Variants in IGSF10 observed in about 807,000 individuals in gnomAD.
IGSF10 encodes calvaria mechanical force protein 608.
A neutral mutation model predicts 128.2 loss-of-function variants in IGSF10; 126 were observed. The observed-to-expected ratio is 0.98, with a 90% CI of 0.85 to 1.14. The LOEUF (loss-of-function observed/expected upper bound fraction) is 1.14. IGSF10 is among the 50% of genes most tolerant of loss of function. IGSF10 has a pLI of 0.00. For missense variants in IGSF10, 3,295 were observed against 3,149.8 expected, an observed-to-expected ratio of 1.05 and a Z score of -1.10; for synonymous variants, 1,185 against 1,146.2, an observed-to-expected ratio of 1.03 and a Z score of -0.68.
the IGSF10 span, among the ~76,000 whole-genome samples, chr3:151,497,854 G>GATCA: frequency 1.3e-5 from 2 of 151,234 alleles, no homozygotes; most frequent in Non-Finnish European, 3.0e-5. Context: ...TTATTTCGCT[G>GATCA]AGCAGTGGTT....
chr3:151,574,061 G>GT, the IGSF10 span, among the ~76,000 whole-genome samples: 1 of 152,166 alleles, frequency 6.6e-6, no homozygotes, highest in Admixed American at 6.5e-5. Flanking sequence ...CTCTTCTGGC[G>GT]TGTAGAGTTT....
At chr3:151,480,849 C>T in the IGSF10 span, among the ~76,000 whole-genome samples, 4 of 152,020 alleles carry the variant, frequency 2.6e-5, no homozygotes, top group East Asian at 3.9e-4. Flanking sequence ...AACATTTGTG[C>T]CCCCAGCACC....
chr3:151,495,871 C>T, the IGSF10 span, among the ~76,000 whole-genome samples: 5 of 152,094 alleles, frequency 3.3e-5, no homozygotes, highest in Non-Finnish European at 2.9e-5. Context: ...TACATCTGCA[C>T]CAGGCTGAAT....
the IGSF10 span, among the ~76,000 whole-genome samples, chr3:151,489,647 A>G: frequency 1.3e-4 from 20 of 152,186 alleles, no homozygotes; most frequent in Non-Finnish European, 2.5e-4. Flanking sequence ...AGCCATAAAA[A>G]AGGGTGAGTT....
downstream of IGSF10, chr3:151,432,582 G>T (rs570378514): frequency 1.8e-6 from 1 of 547,158 alleles, no homozygotes; most frequent in Non-Finnish European, 3.3e-6. Context: ...CCTCTGCAGG[G>T]TGGTACTTGA....
the IGSF10 span, among the ~76,000 whole-genome samples, chr3:151,538,433 T>C: frequency 6.6e-6 from 1 of 152,160 alleles, no homozygotes; most frequent in African/African-American, 2.4e-5. Flanking sequence ...ATAAGGACAT[T>C]ATAATGGTTT....
the IGSF10 span, among the ~76,000 whole-genome samples, chr3:151,549,628 A>G: frequency 6.6e-6 from 1 of 152,142 alleles, no homozygotes; most frequent in Non-Finnish European, 1.5e-5. Flanking sequence ...ACAGCTTCCA[A>G]AATTTTGCAA....
At chr3:151,435,150 T>C (rs376615933), downstream of IGSF10, 3 of 149,884 alleles carry the variant, frequency 2.0e-5, no homozygotes, top group African/African-American at 7.5e-5. Flanking sequence ...CAGAACCTGG[T>C]ACTTTACCTT....
chr3:151,596,904 T>G, the IGSF10 span, among the ~76,000 whole-genome samples: 1,674 of 152,240 alleles, frequency 0.011, 20 homozygotes, highest in Admixed American at 0.034. Context: ...GTAAATGGTA[T>G]GGCGAGCTGC....
Position 151,453,449 on chromosome 3 carries a change from T to C in IGSF10, c.650A>G (p.His217Arg). ...YMPDLDSLYLHGNPWTCDCHL... is the reference protein window; with the variant it reads ...YMPDLDSLYLRGNPWTCDCHL... ...GCAATCACAGGTCCATGGGTTTCCA[T>C]GCAGGTAAAGGCTGTCTAGGTCAGG... The change falls in exon 5 of 8, where the codon CAT becomes CGT. Residue 217 changes from histidine to arginine, a missense_variant. Transcript: ENST00000282466. 1.2e-6 allele frequency: 2 copies of C among 1,613,526 alleles called. No homozygotes were observed. Among genetic ancestry groups the C allele is most frequent in the Non-Finnish European group, 1.7e-6 (2 of 1,179,892 alleles).
chr3:151,449,385 A>T, intron 5 of IGSF10, 120 bp from the exon 6 acceptor site: 1 of 994,194 alleles, frequency 1.0e-6, no homozygotes, highest in East Asian at 2.6e-5. Context: ...TGTTCAATGG[A>T]AAGTTTTCTG....
the IGSF10 span, among the ~76,000 whole-genome samples, chr3:151,480,405 T>C: frequency 4.6e-5 from 7 of 152,148 alleles, no homozygotes; most frequent in Non-Finnish European, 1.0e-4. Flanking sequence ...TCGTGGACAC[T>C]TTCAGTCCTC....
At chr3:151,536,960 G>A in the IGSF10 span, among the ~76,000 whole-genome samples, 1 of 152,166 alleles carries the variant, frequency 6.6e-6, no homozygotes, top group Non-Finnish European at 1.5e-5. Flanking sequence ...AGGTCCTGTT[G>A]CTTTTAAAAC....
At chr3:151,544,732 G>A in the IGSF10 span, among the ~76,000 whole-genome samples, 1 of 145,092 alleles carries the variant, frequency 6.9e-6, no homozygotes, top group African/African-American at 2.6e-5. Flanking sequence ...GAAATGCATT[G>A]TGATGTCCTT....
the IGSF10 span, among the ~76,000 whole-genome samples, chr3:151,552,343 A>G: frequency 1.3e-5 from 2 of 152,172 alleles, no homozygotes; most frequent in Admixed American, 6.6e-5. Context: ...GAACTAATAC[A>G]CCGCATGACA....
At chr3:151,534,801 A>ATGTGTGTGTGTGTG in the IGSF10 span, among the ~76,000 whole-genome samples, 7 of 149,182 alleles carry the variant, frequency 4.7e-5, no homozygotes, top group African/African-American at 1.2e-4. Flanking sequence ...TTTAAAGTGT[A>ATGTGTGTGTGTGTG]TGTGTGTGTG....
In IGSF10 at chr3:151,447,917, A is replaced by T; in HGVS notation, c.2064T>A (p.Ala688=). 1 of 1,614,044 alleles carries T rather than the reference A, an allele frequency of 6.2e-7. No individual in the cohort carries two copies. The change falls in exon 6 of 8, where the codon GCT becomes GCA. Residue 688 remains alanine (A), a synonymous_variant. Transcript: ENST00000282466. The stretch of plus-strand genomic sequence containing the variant: ...GTGCACCTGGTGGCTCCTTAAGATG[A>T]GCAATAGGATTGGACTCATCAAGTC... ...GSGLDESNPI[A]HLKEPPGAQL... is the part of the protein sequence containing the mutation.
At chr3:151,499,034 A>G in the IGSF10 span, among the ~76,000 whole-genome samples, 1 of 152,124 alleles carries the variant, frequency 6.6e-6, no homozygotes. Flanking sequence ...GGAGGCATTT[A>G]CATTTAAAGT....
chr3:151,583,739 TAA>T, the IGSF10 span, among the ~76,000 whole-genome samples: 1 of 152,226 alleles, frequency 6.6e-6, no homozygotes, highest in Non-Finnish European at 1.5e-5. Flanking sequence ...AAATAAATAA[TAA>T]GTCTGCTTAA....
Sources: allele counts gnomAD v4.1 joint callset (sites outside exome capture counted in the v4.1 genomes callset), GRCh38; gene constraint gnomAD v4.1.1; transcripts MANE v1.5; gene names NCBI Gene and HGNC (gene_info 2026-07-23, HGNC 2026-07-21).